EXT2: variants seen among roughly 807,000 people sequenced by gnomAD.
EXT2 encodes the protein exostosin-2.
A neutral mutation model predicts 81.6 loss-of-function variants in EXT2; 53 were observed. The observed-to-expected ratio is 0.65, with a 90% confidence interval of 0.52 to 0.82. The LOEUF (loss-of-function observed/expected upper bound fraction) is 0.82, where lower values mean the gene tolerates loss of function less well. Ranked by LOEUF, EXT2 falls within the 40% of genes least tolerant of loss-of-function variation. The pLI, the probability that EXT2 is intolerant of heterozygous loss-of-function variation, is 0.00. For synonymous variants in EXT2, 320 were observed against 340.0 expected (o/e 0.94, Z 0.65); for missense variants, 774 against 910.2 (o/e 0.85, Z 1.93).
intron 7 of EXT2, among the ~76,000 whole-genome samples, chr11:44,167,276 G>A (rs889661729): frequency 1.3e-5 from 2 of 152,188 alleles, no homozygotes; most frequent in Admixed American, 6.5e-5. Flanking sequence ...CAACTCCTAA[G>A]GTACACATGA....
At chr11:44,153,849 C>T (rs913046502) in intron 7 of EXT2, among the ~76,000 whole-genome samples, 2 of 151,854 alleles carry the variant, frequency 1.3e-5, no homozygotes. Flanking sequence ...GCCTTGCATA[C>T]CTGGGATAAA....
At chr11:44,168,622 C>T (rs766023776) in intron 7 of EXT2, among the ~76,000 whole-genome samples, 1 of 152,136 alleles carries the variant, frequency 6.6e-6, no homozygotes, top group African/African-American at 2.4e-5. Context: ...TTCAAAGGTG[C>T]ACCAGTAAGA....
At chr11:44,160,022 G>A (rs1304823327) in intron 7 of EXT2, among the ~76,000 whole-genome samples, 1 of 152,192 alleles carries the variant, frequency 6.6e-6, no homozygotes, top group Non-Finnish European at 1.5e-5. Flanking sequence ...AAAATGCTCT[G>A]GTATATTTCA....
At chr11:44,104,603 T>C (rs1208165194) in intron 1 of EXT2, 1 of 152,230 alleles carries the variant, frequency 6.6e-6, no homozygotes, top group Non-Finnish European at 1.5e-5. Context: ...ACTCTTGTGC[T>C]TCTTACCCTT....
Position 44,211,135 on chromosome 11 carries a change from T to A in EXT2, c.1662+4176T>A, listed in dbSNP as rs1042567565. Among the ~76,000 whole-genome samples the A allele has an allele frequency of 5.9e-5, 9 of 152,280 alleles. No individual in the cohort carries two copies. The South Asian group carries it at 1.7e-3, about 28-fold the overall frequency. On this transcript the variant is annotated intron_variant, in intron 10 of 13. Transcript: ENST00000533608. ...AGGACAATGAAACAGAATAAAGAGT[T>A]TAGAAATGGACCACACATGTATGGC...
intron 12 of EXT2, 26 bp from the exon 13 acceptor site, chr11:44,236,267 G>A: frequency 6.2e-7 from 1 of 1,606,344 alleles, no homozygotes; most frequent in Non-Finnish European, 8.5e-7. Flanking sequence ...CTGACAGCCA[G>A]GTATGTTTTT....
intron 1 of EXT2, among the ~76,000 whole-genome samples, chr11:44,105,483 G>C (rs1257606807): frequency 6.6e-6 from 1 of 152,088 alleles, no homozygotes; most frequent in Non-Finnish European, 1.5e-5. Flanking sequence ...GTAGAGACAG[G>C]GTTTCACCAT....
At chr11:44,104,345 T>C (rs1423475755) in intron 1 of EXT2, among the ~76,000 whole-genome samples, 1 of 152,074 alleles carries the variant, frequency 6.6e-6, no homozygotes, top group Non-Finnish European at 1.5e-5. Context: ...AATATCCATA[T>C]ACACACATAT....
chr11:44,231,656 G>A lies in EXT2; in HGVS notation c.1663-697G>A, dbSNP rs562403049. ...AAGCACCAAGACTAGCCAACAAATT[G>A]TTATACTCATTCATGGTATGGATCT... On this transcript the variant is annotated intron_variant, in intron 10 of 13. Coordinates refer to ENST00000533608, the MANE Select transcript of EXT2 (RefSeq NM_207122.2). 2.6e-5 allele frequency among the ~76,000 whole-genome samples: 4 copies of A among 152,292 alleles called. No homozygotes were observed. In the South Asian group the frequency reaches 6.2e-4, roughly 24 times the overall value.
At chr11:44,138,313 G>A (rs1375221077) in intron 7 of EXT2, among the ~76,000 whole-genome samples, 1 of 152,124 alleles carries the variant, frequency 6.6e-6, no homozygotes, top group Non-Finnish European at 1.5e-5. Flanking sequence ...GAGCTGGAAG[G>A]GACCTTAGAA....
chr11:44,164,127 G>A lies in EXT2; in HGVS notation c.1174-7484G>A, dbSNP rs533814301. On this transcript the variant is annotated intron_variant, in intron 7 of 13. Transcript: ENST00000533608. ...CTCTTTCTTTTCTTGGCTCTGTCTA[G>A]TGTGCTAAGACTGTCAAAGGAATTC... 8.7e-4 allele frequency among the ~76,000 whole-genome samples: 132 copies of A among 152,074 alleles called. 1 individual carries two copies. The highest frequency in any genetic ancestry group is 3.1e-3 in the African/African-American group (127 of 41,490).
chr11:44,109,412 G>A (rs1342395505), intron 3 of EXT2, 129 bp downstream of exon 3: 7 of 892,456 alleles, frequency 7.8e-6, no homozygotes, highest in Non-Finnish European at 1.3e-5. Context: ...ATTGTCATAA[G>A]TATTTTCCTC....
chr11:44,167,867 GGTTA>G (rs1955015247), intron 7 of EXT2, among the ~76,000 whole-genome samples: 2 of 152,112 alleles, frequency 1.3e-5, no homozygotes, highest in South Asian at 4.2e-4. Flanking sequence ...ACAGTGTGCA[GGTTA>G]GTTACATATG....
At chr11:44,192,861 A>G (rs2135174077) in intron 8 of EXT2, among the ~76,000 whole-genome samples, 1 of 152,334 alleles carries the variant, frequency 6.6e-6, no homozygotes, top group Middle Eastern at 3.4e-3. Flanking sequence ...TATGTATAAA[A>G]TGAGTTAACT....
chr11:44,239,756 A>G (rs1590672420), intron 13 of EXT2, among the ~76,000 whole-genome samples: 2 of 121,148 alleles, frequency 1.7e-5, no homozygotes, highest in Non-Finnish European at 3.2e-5. Flanking sequence ...CAGTCTCTGT[A>G]TATACTTTTA....
chr11:44,130,950 A>G (rs1417566700), intron 7 of EXT2, among the ~76,000 whole-genome samples: 1 of 152,236 alleles, frequency 6.6e-6, no homozygotes, highest in African/African-American at 2.4e-5. Flanking sequence ...GCATTTGGCC[A>G]TGTCCCAAGA....
intron 1 of EXT2, among the ~76,000 whole-genome samples, chr11:44,107,119 G>A (rs1954065993): frequency 6.6e-6 from 1 of 150,672 alleles, no homozygotes; most frequent in Admixed American, 6.6e-5. Context: ...ATATTGATAG[G>A]GTATAGTAAT....
At chr11:44,204,793 C>T (rs1162682255) in intron 9 of EXT2, among the ~76,000 whole-genome samples, 1 of 152,186 alleles carries the variant, frequency 6.6e-6, no homozygotes, top group Non-Finnish European at 1.5e-5. Context: ...CCCCGCCCCT[C>T]CTTCCCCTAC....
At chr11:44,148,472 A>G (rs1438059555) in intron 7 of EXT2, among the ~76,000 whole-genome samples, 2 of 152,196 alleles carry the variant, frequency 1.3e-5, no homozygotes, top group Non-Finnish European at 2.9e-5. Flanking sequence ...TCTGTGCAGC[A>G]CCATAGCCCA....
Sources: gnomAD v4.1 joint callset for allele counts (sites outside exome capture counted in the v4.1 genomes callset) on GRCh38, gnomAD v4.1.1 for gene constraint, MANE v1.5 for transcripts, NCBI Gene and HGNC (gene_info 2026-07-23, HGNC 2026-07-21) for gene names.